GALNTL6: variants seen among roughly 807,000 people sequenced by gnomAD.
GALNTL6 encodes polypeptide N-acetylgalactosaminyltransferase-like 6.
A neutral mutation model predicts 73.7 loss-of-function variants in GALNTL6; 46 were observed. That is an observed-to-expected ratio of 0.62 (90% CI 0.49 to 0.80). GALNTL6 has a LOEUF of 0.80. Among genes scored for constraint, GALNTL6 ranks in the 30% least tolerant of loss-of-function variants. The pLI, the probability that GALNTL6 is intolerant of heterozygous loss-of-function variation, is 0.00. For missense variants in GALNTL6, 604 were observed against 755.0 expected, an observed-to-expected ratio of 0.80 and a Z score of 2.34; for synonymous variants, 259 against 263.7, an observed-to-expected ratio of 0.98 and a Z score of 0.17.
chr4:172,840,348 T>C (rs1743142011), intron 7 of GALNTL6, among the ~76,000 whole-genome samples: 1 of 152,238 alleles, frequency 6.6e-6, no homozygotes, highest in Non-Finnish European at 1.5e-5. Flanking sequence ...GTGGAATCGA[T>C]TGTAGGCCCT....
intron 5 of GALNTL6, among the ~76,000 whole-genome samples, chr4:172,390,196 T>A (rs1339687256): frequency 1.3e-5 from 2 of 152,194 alleles, no homozygotes; most frequent in Non-Finnish European, 2.9e-5. Flanking sequence ...ATTTTAAAAA[T>A]TGACTTATTT....
intron 5 of GALNTL6, among the ~76,000 whole-genome samples, chr4:172,476,156 T>C (rs1170306216): frequency 6.6e-6 from 1 of 152,184 alleles, no homozygotes; most frequent in Non-Finnish European, 1.5e-5. Flanking sequence ...CTGGGTAACT[T>C]ATGAACAAAA....
chr4:172,863,981 A>C (rs1744530789), intron 7 of GALNTL6, among the ~76,000 whole-genome samples: 1 of 152,128 alleles, frequency 6.6e-6, no homozygotes, highest in Non-Finnish European at 1.5e-5. Context: ...AAGTCTCATG[A>C]GATCTGATGG....
At chr4:172,266,748 G>T (rs903719854) in intron 3 of GALNTL6, among the ~76,000 whole-genome samples, 4 of 151,840 alleles carry the variant, frequency 2.6e-5, no homozygotes, top group Non-Finnish European at 4.4e-5. Context: ...ATGGCATTTT[G>T]AGACTTTTAA....
rs536210661 is a variant in GALNTL6 at position 172,018,173 on chromosome 4, G to A, written c.138+203455G>A. Reference sequence around the variant, plus strand: ...CATAAAGGAGGTGGTCCTTTCAACAGAGCACCAGCTGTGGTAGTAGTAATG... The same window carrying A: ...CATAAAGGAGGTGGTCCTTTCAACAAAGCACCAGCTGTGGTAGTAGTAATG... On this transcript the variant is annotated intron_variant, in intron 2 of 12. Transcript: ENST00000506823. Among the ~76,000 whole-genome samples the A allele has an allele frequency of 2.0e-5, 3 of 152,184 alleles. No individual in the cohort carries two copies. In the South Asian group the frequency reaches 6.2e-4, roughly 32 times the overall value.
In GALNTL6 at chr4:172,935,041, C is replaced by T. The variant is rs190746271; in HGVS notation, c.1149+3773C>T. Among the ~76,000 whole-genome samples the T allele has an allele frequency of 1.4e-4, 21 of 152,292 alleles. 1 individual carries two copies. In the East Asian group the frequency reaches 2.9e-3, roughly 21 times the overall value. On this transcript the variant is annotated intron_variant, in intron 9 of 12. Coordinates refer to ENST00000506823, the MANE Select transcript of GALNTL6 (RefSeq NM_001034845.3). ...TGACAGGTGGCTGTAACAGCAGGGA[C>T]ATGTCAGAAGTGGAGAGCAGTCACC...
At chr4:172,693,431 A>T (rs945044607) in intron 5 of GALNTL6, among the ~76,000 whole-genome samples, 1 of 152,154 alleles carries the variant, frequency 6.6e-6, no homozygotes, top group Admixed American at 6.5e-5. Flanking sequence ...CCTCTTCATC[A>T]TCTGTACCAA....
intron 2 of GALNTL6, among the ~76,000 whole-genome samples, chr4:171,893,407 G>A (rs1444809313): frequency 6.6e-6 from 1 of 152,134 alleles, no homozygotes. Flanking sequence ...ATCCAAACAT[G>A]AGTCTGTCTT....
intron 2 of GALNTL6, among the ~76,000 whole-genome samples, chr4:171,856,004 C>A (rs1307956491): frequency 6.6e-6 from 1 of 151,984 alleles, no homozygotes; most frequent in Non-Finnish European, 1.5e-5. Context: ...AATAATAATT[C>A]TTTATTAGGT....
At chr4:172,349,108 G>A (rs1741853197) in intron 5 of GALNTL6, among the ~76,000 whole-genome samples, 2 of 152,080 alleles carry the variant, frequency 1.3e-5, no homozygotes, top group Non-Finnish European at 2.9e-5. Context: ...GGCTGTGCTT[G>A]TGTTACTTCA....
At chr4:172,190,967 T>C (rs1735562834) in intron 2 of GALNTL6, among the ~76,000 whole-genome samples, 2 of 152,210 alleles carry the variant, frequency 1.3e-5, no homozygotes, top group African/African-American at 4.8e-5. Context: ...TTTTCCTAGG[T>C]CTGCTTCCAT....
chr4:171,944,806 A>C (rs1738655045), intron 2 of GALNTL6, among the ~76,000 whole-genome samples: 2 of 151,592 alleles, frequency 1.3e-5, no homozygotes, highest in Admixed American at 6.6e-5. Context: ...CATTATACAA[A>C]GATACTTAAA....
At chr4:172,313,112 TC>T (rs143094304) in intron 4 of GALNTL6, among the ~76,000 whole-genome samples, 76 of 132,060 alleles carry the variant, frequency 5.8e-4, no homozygotes, top group Middle Eastern at 3.9e-3. Flanking sequence ...TCTATCCAGT[TC>T]CCCCCCCCAC....
At chr4:172,928,254 T>C (rs755812672) in intron 8 of GALNTL6, among the ~76,000 whole-genome samples, 1 of 152,180 alleles carries the variant, frequency 6.6e-6, no homozygotes, top group Non-Finnish European at 1.5e-5. Flanking sequence ...ACAATATCAA[T>C]TAAACACGTG....
At chr4:172,212,766 C>G (rs1167817857) in intron 2 of GALNTL6, among the ~76,000 whole-genome samples, 1 of 152,108 alleles carries the variant, frequency 6.6e-6, no homozygotes, top group Non-Finnish European at 1.5e-5. Context: ...CCCCCGGGTT[C>G]AAGCGATTCT....
chr4:172,030,360 A>G (rs1031418927), intron 2 of GALNTL6, among the ~76,000 whole-genome samples: 1 of 152,042 alleles, frequency 6.6e-6, no homozygotes, highest in Non-Finnish European at 1.5e-5. Context: ...CCGGGGTAGC[A>G]TGAGGTACCT....
intron 5 of GALNTL6, among the ~76,000 whole-genome samples, chr4:172,770,432 A>T (rs955968886): frequency 6.6e-5 from 10 of 152,134 alleles, no homozygotes; most frequent in Admixed American, 6.5e-4. Context: ...ATAGCAAAAA[A>T]GTCTAAGTGT....
chr4:172,818,607 CT>C (rs201788405), intron 7 of GALNTL6, among the ~76,000 whole-genome samples: 3 of 151,780 alleles, frequency 2.0e-5, no homozygotes, highest in Non-Finnish European at 4.4e-5. Context: ...TAAAATCATC[CT>C]TTTTTTTGGA....
intron 2 of GALNTL6, among the ~76,000 whole-genome samples, chr4:172,097,137 G>A (rs72990327): frequency 6.6e-5 from 10 of 152,248 alleles, no homozygotes; most frequent in African/African-American, 2.4e-4. Context: ...CATTTCTTCA[G>A]ATAACCTTCC....
Sources: allele counts gnomAD v4.1 joint callset (sites outside exome capture counted in the v4.1 genomes callset), GRCh38; gene constraint gnomAD v4.1.1; transcripts MANE v1.5; gene names NCBI Gene and HGNC (gene_info 2026-07-23, HGNC 2026-07-21).